The following ARHGAP39 variants were observed in gnomAD, a reference collection of about 807,000 sequenced individuals.
The protein encoded by ARHGAP39 is rho GTPase-activating protein 39.
Under a neutral mutation model 106.9 loss-of-function variants are expected in ARHGAP39, and 44 were observed. That is an observed-to-expected ratio of 0.41 (90% CI 0.32 to 0.53). The LOEUF is 0.53. Among genes scored for constraint, ARHGAP39 ranks in the 20% least tolerant of loss-of-function variants. The probability of loss-of-function intolerance (pLI) is 0.21; values close to 1 mark genes in which losing one functional copy is unlikely to be tolerated. For missense variants in ARHGAP39, 1,496 were observed against 1,577.3 expected (o/e 0.95, Z 0.87); for synonymous variants, 768 against 693.2 (o/e 1.11, Z -1.69).
rs116864471 is a variant in ARHGAP39, at chr8:144,638,254, C to T, written c.-81-32559G>A. ...GCTGGCACTGCCCTGGATGACTTCT[C>T]TCCTACCTCTGATTGCTTTTAAAAT... is the stretch of plus-strand genomic sequence containing the variant. On this transcript the variant is annotated intron_variant, in intron 1 of 11. Transcript: ENST00000377307. Among the ~76,000 whole-genome samples the T allele has an allele frequency of 3.0e-3, 460 of 152,364 alleles. 2 individuals carry two copies. The highest frequency in any genetic ancestry group is 5.2e-3 in the African/African-American group (215 of 41,578).
intron 1 of ARHGAP39, among the ~76,000 whole-genome samples, chr8:144,642,268 C>T (rs1821331195): frequency 6.6e-6 from 1 of 152,244 alleles, no homozygotes; most frequent in East Asian, 1.9e-4. Flanking sequence ...GGTGGATGAC[C>T]TGAGACCAGC....
intron 1 of ARHGAP39, among the ~76,000 whole-genome samples, chr8:144,678,622 G>C (rs1822305597): frequency 6.6e-6 from 1 of 152,222 alleles, no homozygotes; most frequent in African/African-American, 2.4e-5. Flanking sequence ...AGCCAGGGAG[G>C]AGAGCCAGGC....
intron 2 of ARHGAP39, among the ~76,000 whole-genome samples, chr8:144,584,826 T>G (rs1448126303): frequency 6.7e-6 from 1 of 149,920 alleles, no homozygotes; most frequent in Non-Finnish European, 1.5e-5. Flanking sequence ...CCAGCTGGCT[T>G]TGCTGATCCA....
At chr8:144,572,175 C>G (rs1427524146) in intron 3 of ARHGAP39, among the ~76,000 whole-genome samples, 1 of 152,158 alleles carries the variant, frequency 6.6e-6, no homozygotes, top group Non-Finnish European at 1.5e-5. Flanking sequence ...CCAAGACAAT[C>G]CTAAGCAAAA....
intron 3 of ARHGAP39, among the ~76,000 whole-genome samples, chr8:144,574,181 A>AGACGAGGAG (rs112840672): frequency 0.032 from 4,723 of 147,970 alleles, 271 homozygotes; most frequent in African/African-American, 0.11. Context: ...AAGAAGATGA[A>AGACGAGGAG]GATGAGGAGG....
chr8:144,542,311 TG>T (rs1234000478), intron 6 of ARHGAP39, among the ~76,000 whole-genome samples: 1 of 152,162 alleles, frequency 6.6e-6, no homozygotes, highest in Admixed American at 6.5e-5. Context: ...AAGGCTAAGC[TG>T]GGGGCATCAC....
intron 2 of ARHGAP39, among the ~76,000 whole-genome samples, chr8:144,595,907 A>C (rs1819603053): frequency 6.6e-6 from 1 of 152,100 alleles, no homozygotes. Flanking sequence ...CTTTGTTCCC[A>C]GATGTTGTCC....
intron 7 of ARHGAP39, among the ~76,000 whole-genome samples, chr8:144,535,278 G>C (rs1309347942): frequency 6.6e-6 from 1 of 152,222 alleles, no homozygotes; most frequent in African/African-American, 2.4e-5. Flanking sequence ...CAGAATAGTT[G>C]ACATGTGACT....
rs1306809278 is a variant in ARHGAP39, at chr8:144,604,593, G to C, written c.80+942C>G. 4.6e-5 allele frequency among the ~76,000 whole-genome samples: 7 copies of C among 152,042 alleles called. No homozygotes were observed. The highest frequency in any genetic ancestry group is 1.5e-5 in the Non-Finnish European group (1 of 68,008). ...GGGTCTCGCTAGGTTGCCCAGGCTG[G>C]GATGATCTGTTTTAAATAGGGTGAC... On this transcript the variant is annotated intron_variant, in intron 2 of 11. Transcript: ENST00000377307. The surrounding 1 kb of genome is among the most constrained non-coding windows in gnomAD (Gnocchi z 4.1).
intron 6 of ARHGAP39, among the ~76,000 whole-genome samples, chr8:144,544,661 T>C (rs1243519209): frequency 6.6e-6 from 1 of 152,230 alleles, no homozygotes; most frequent in African/African-American, 2.4e-5. Context: ...GGGCAGACTC[T>C]GGCCTCCCAC....
chr8:144,626,782 C>T (rs1255067984), intron 1 of ARHGAP39, among the ~76,000 whole-genome samples: 1 of 152,210 alleles, frequency 6.6e-6, no homozygotes, highest in Non-Finnish European at 1.5e-5. Context: ...TGGGCAGCTT[C>T]CCTCCCCTCC....
Position 144,547,482 on chromosome 8 carries a change from G to C in ARHGAP39, c.1604C>G (p.Pro535Arg), listed in dbSNP as rs567204289. ...EQPPCGTSLA[P>R]VKRAEGEAEG... ...GGCCTCACCTTCCGCTCGCTTCACG[G>C]GGGCGAGGCTGGTCCCGCACGGGGG... The change falls in exon 5 of 12, where the codon CCC (proline) becomes CGC (arginine). Residue 535 changes from proline (P) to arginine (R), a missense_variant. Transcript: ENST00000377307. This position sits in a 1 kb window ranked among gnomAD's most constrained non-coding sequence, Gnocchi z 5.2. The C allele has an allele frequency of 2.0e-4, 304 of 1,532,744 alleles. 2 individuals carry two copies. The African/African-American group carries it at 3.2e-3, about 16-fold the overall frequency. 94.9% of individuals were successfully genotyped at this position (1,532,744 alleles called of 1,614,324 possible). A position where few individuals can be genotyped will look rare whatever the true frequency, so the allele number is the denominator to read the frequency against.
rs1434264116 is a variant in ARHGAP39 at position 144,670,681 on chromosome 8, G to A, written c.-82+15005C>T. Reference sequence around the variant, plus strand: ...CTGATCCCCACCATCTTCTCCTGCAGGCCCCAGACTCAATCTCCCTCCTGG... The same window carrying A: ...CTGATCCCCACCATCTTCTCCTGCAAGCCCCAGACTCAATCTCCCTCCTGG... On this transcript the variant is annotated intron_variant, in intron 1 of 11. Transcript: ENST00000377307. The surrounding 1 kb of genome is among the most constrained non-coding windows in gnomAD (Gnocchi z 4.4). 6.6e-6 allele frequency among the ~76,000 whole-genome samples: 1 copy of A among 152,004 alleles called. No individual in the cohort carries two copies. The highest frequency in any genetic ancestry group is 2.4e-5 in the African/African-American group (1 of 41,358).
chr8:144,599,042 C>G (rs1280278000), intron 2 of ARHGAP39, among the ~76,000 whole-genome samples: 1 of 152,224 alleles, frequency 6.6e-6, no homozygotes, highest in Non-Finnish European at 1.5e-5. Flanking sequence ...CATGGAGACC[C>G]CAGGCACCTG....
In ARHGAP39 at chr8:144,646,588, C is replaced by T. The variant is rs574186045; in HGVS notation, c.-82+39098G>A. ...GGCTGGCGGGCATGGAAGCCTCGTC[C>T]TTTCTGCACCACCGCACAATGTTAG... On this transcript the variant is annotated intron_variant, in intron 1 of 11. Coordinates refer to ENST00000377307, the MANE Select transcript of ARHGAP39 (RefSeq NM_025251.3). The surrounding 1 kb of genome is among the most constrained non-coding windows in gnomAD (Gnocchi z 5.7). 1.8e-3 allele frequency among the ~76,000 whole-genome samples: 279 copies of T among 152,290 alleles called. No individual in the cohort carries two copies. The highest frequency in any genetic ancestry group is 2.9e-3 in the Non-Finnish European group (200 of 68,022).
chr8:144,618,695 AGGCCGGGCGCAGGAAGC>A (rs1313092105), intron 1 of ARHGAP39, among the ~76,000 whole-genome samples: 2 of 152,144 alleles, frequency 1.3e-5, no homozygotes, highest in Admixed American at 6.5e-5. Context: ...GTCCCTGAAG[AGGCCGGGCGCAGGAAGC>A]GGCTCCCTGC....
At chr8:144,532,516 C>A (rs532305355) in intron 9 of ARHGAP39, 120 bp from the exon 10 acceptor site, 8 of 801,332 alleles carry the variant, frequency 1.0e-5, no homozygotes, top group Non-Finnish European at 1.4e-5. Context: ...AACCTCAGGA[C>A]CCCCCGCCAC....
At chr8:144,611,929 A>C (rs571847520) in intron 1 of ARHGAP39, among the ~76,000 whole-genome samples, 73 of 152,032 alleles carry the variant, frequency 4.8e-4, no homozygotes, top group African/African-American at 1.7e-3. Context: ...GAATCGCCTG[A>C]ATCTGGGAGG....
intron 2 of ARHGAP39, chr8:144,583,957 C>A (rs901447097): frequency 2.6e-5 from 4 of 152,244 alleles, no homozygotes; most frequent in African/African-American, 9.6e-5. Context: ...TCCAGCACAT[C>A]ACTCAAGGGG....
Sources: allele counts gnomAD v4.1 joint callset (sites outside exome capture counted in the v4.1 genomes callset), GRCh38; gene constraint gnomAD v4.1.1; non-coding constraint Gnocchi (gnomAD v3.1); transcripts MANE v1.5; gene names NCBI Gene and HGNC (gene_info 2026-07-23, HGNC 2026-07-21).